The following VSTM2L variants were observed in gnomAD, a reference collection of about 807,000 sequenced individuals.
VSTM2L encodes V-set and transmembrane domain-containing protein 2-like protein.
VSTM2L carries 9 observed loss-of-function variants against 19.9 expected under a neutral mutation model. That is an observed-to-expected ratio of 0.45 (90% confidence interval 0.27 to 0.79). VSTM2L has a LOEUF of 0.79. Among genes scored for constraint, VSTM2L ranks in the 30% least tolerant of loss-of-function variants. The pLI, the probability that VSTM2L is intolerant of heterozygous loss-of-function variation, is 0.15. For missense variants in VSTM2L, 286 were observed against 295.5 expected, an observed-to-expected ratio of 0.97 and a Z score of 0.24; for synonymous variants, 127 against 133.8, an observed-to-expected ratio of 0.95 and a Z score of 0.35.
chr20:37,904,047 C>T (rs138318362), intron 1 of VSTM2L, among the ~76,000 whole-genome samples: 1 of 152,232 alleles, frequency 6.6e-6, no homozygotes, highest in Non-Finnish European at 1.5e-5. Context: ...TGGGTTTAAC[C>T]GCACAGAGGC....
intron 1 of VSTM2L, among the ~76,000 whole-genome samples, chr20:37,914,369 T>G (rs1568835237): frequency 2.2e-3 from 331 of 150,756 alleles, no homozygotes; most frequent in East Asian, 4.9e-3. Flanking sequence ...TGTTTATATA[T>G]GTGTGTGGGT....
Position 37,944,327 on chromosome 20 carries a change from AC to A in VSTM2L, c.*76del, listed in dbSNP as rs1413639930. 4.5e-6 allele frequency: 6 copies of A among 1,334,982 alleles called. No homozygotes were observed. Among genetic ancestry groups the A allele is most frequent in the Non-Finnish European group, 5.8e-6 (6 of 1,029,358 alleles). The allele number at this position is 1,334,982 out of a possible 1,614,324, so 82.7% of individuals were successfully genotyped here. On this transcript the variant is annotated 3_prime_UTR_variant, in exon 4 of 4. Transcript: ENST00000373461. ...ATGAGGAGCCGCCGGACCACCGGGG[AC>A]CGACTGCCTGCGTCCAGCCGCGCCC...
intron 1 of VSTM2L, among the ~76,000 whole-genome samples, chr20:37,915,827 C>A (rs982824204): frequency 2.0e-5 from 3 of 152,162 alleles, no homozygotes; most frequent in African/African-American, 7.2e-5. Flanking sequence ...ACCCTACCCA[C>A]TGGGCACCCT....
chr20:37,932,182 G>A (rs753590237), intron 2 of VSTM2L, among the ~76,000 whole-genome samples: 23 of 152,290 alleles, frequency 1.5e-4, no homozygotes, highest in Non-Finnish European at 2.2e-4. Flanking sequence ...CGGGCCACAC[G>A]GGCAGCCTTT....
chr20:37,934,491 G>T (rs954174910), intron 3 of VSTM2L, among the ~76,000 whole-genome samples: 5 of 152,216 alleles, frequency 3.3e-5, no homozygotes, highest in Non-Finnish European at 7.3e-5. Context: ...GAAAAGGCAG[G>T]TGCCCGTGGG....
At chr20:37,943,269 G>T (rs1236123000) in intron 3 of VSTM2L, among the ~76,000 whole-genome samples, 1 of 151,040 alleles carries the variant, frequency 6.6e-6, no homozygotes, top group African/African-American at 2.4e-5. Flanking sequence ...ATGAGCCACC[G>T]CACTTGGCCT....
intron 1 of VSTM2L, among the ~76,000 whole-genome samples, chr20:37,931,402 C>T (rs2072907954): frequency 6.6e-6 from 1 of 152,166 alleles, no homozygotes; most frequent in African/African-American, 2.4e-5. Context: ...ACACCTACTC[C>T]CTCATCGCCA....
At chr20:37,905,368 G>T (rs527491921) in intron 1 of VSTM2L, among the ~76,000 whole-genome samples, 1 of 152,226 alleles carries the variant, frequency 6.6e-6, no homozygotes, top group East Asian at 1.9e-4. Context: ...TTATTCCCAA[G>T]GCCCCAAGGT....
Position 37,944,780 on chromosome 20 carries a change from T to C in VSTM2L, c.*527T>C. 1 of 986,274 alleles carries C rather than the reference T, an allele frequency of 1.0e-6. No individual in the cohort carries two copies. The highest frequency in any genetic ancestry group is 1.2e-6 in the Non-Finnish European group (1 of 830,356). The allele number at this position is 986,274 out of a possible 1,614,324, so 61.1% of individuals were successfully genotyped here. A position where few individuals can be genotyped will look rare whatever the true frequency, so the allele number is the denominator to read the frequency against. ...ACCCAGGAGGGCCCTTCTGGGGCAGTGGCTCTGCAGGGTCACTCATGGAGG... is the reference window on the plus strand; with the variant it reads ...ACCCAGGAGGGCCCTTCTGGGGCAGCGGCTCTGCAGGGTCACTCATGGAGG... On this transcript the variant is annotated 3_prime_UTR_variant, in exon 4 of 4. Transcript: ENST00000373461.
intron 1 of VSTM2L, among the ~76,000 whole-genome samples, chr20:37,916,253 G>A (rs182422600): frequency 2.3e-4 from 35 of 152,302 alleles, no homozygotes; most frequent in Admixed American, 1.6e-3. Flanking sequence ...AAATGGTATC[G>A]GTAGAGACGT....
At chr20:37,920,443 C>T (rs1177422001) in intron 1 of VSTM2L, among the ~76,000 whole-genome samples, 1 of 152,264 alleles carries the variant, frequency 6.6e-6, no homozygotes, top group Non-Finnish European at 1.5e-5. Flanking sequence ...CAGCCACCCA[C>T]TCCTGGCACT....
chr20:37,927,024 GAC>G (rs1394674229), intron 1 of VSTM2L, among the ~76,000 whole-genome samples: 8 of 152,254 alleles, frequency 5.3e-5, no homozygotes, highest in African/African-American at 1.7e-4. Context: ...GGAGTGCAGT[GAC>G]ACAATCTCGG....
chr20:37,911,468 C>A (rs375396654), intron 1 of VSTM2L, among the ~76,000 whole-genome samples: 2 of 152,144 alleles, frequency 1.3e-5, no homozygotes, highest in East Asian at 1.9e-4. Context: ...ACACAGCGGG[C>A]GGCTAATAAA....
At chr20:37,923,840 G>A (rs1161127536) in intron 1 of VSTM2L, among the ~76,000 whole-genome samples, 1 of 152,194 alleles carries the variant, frequency 6.6e-6, no homozygotes, top group Non-Finnish European at 1.5e-5. Context: ...CCTTGGGCAA[G>A]TCACTGACCC....
chr20:37,920,741 C>G (rs1008429389), intron 1 of VSTM2L, among the ~76,000 whole-genome samples: 3 of 152,194 alleles, frequency 2.0e-5, no homozygotes, highest in African/African-American at 7.2e-5. Context: ...TGGGCACAGT[C>G]CCCCCAGGAA....
At position 37,903,441 on chromosome 20, in the gene VSTM2L, G is replaced by A; in HGVS notation, c.91G>A (p.Ala31Thr). 1.3e-6 allele frequency: 2 copies of A among 1,486,524 alleles called. No homozygotes were observed. Among genetic ancestry groups the A allele is most frequent in the Middle Eastern group, 1.7e-4 (1 of 5,838 alleles). The allele number at this position is 1,486,524 out of a possible 1,614,324, so 92.1% of individuals were successfully genotyped here. ...LGGATRPAGH[A>T]PWDNHVSGHA... Reference sequence around the variant, plus strand: ...CGGCGCCACGCGGCCCGCCGGCCACGCGCCCTGGGACAACCACGTCTCCGG... The same window carrying A: ...CGGCGCCACGCGGCCCGCCGGCCACACGCCCTGGGACAACCACGTCTCCGG... Residue 31 changes from alanine to threonine, a missense_variant, in exon 1 of 4, where the codon GCG becomes ACG. Physicochemically the swap from Ala to Thr is moderately conservative, Grantham distance 58. Transcript: ENST00000373461.
chr20:37,937,778 T>G (rs1291823311), intron 3 of VSTM2L, among the ~76,000 whole-genome samples: 1 of 152,124 alleles, frequency 6.6e-6, no homozygotes, highest in Non-Finnish European at 1.5e-5. Context: ...AAAATACAAT[T>G]ACAACTGTGA....
intron 1 of VSTM2L, among the ~76,000 whole-genome samples, chr20:37,914,128 C>A (rs965038999): frequency 6.6e-6 from 1 of 150,874 alleles, no homozygotes; most frequent in African/African-American, 2.4e-5. Context: ...TGTGTGTGTG[C>A]GCGCACGAAT....
intron 1 of VSTM2L, among the ~76,000 whole-genome samples, chr20:37,928,927 T>A (rs1313625272): frequency 6.6e-6 from 1 of 152,218 alleles, no homozygotes; most frequent in Non-Finnish European, 1.5e-5. Flanking sequence ...GAATTAAAAT[T>A]AAATAAAATT....
Sources: gnomAD v4.1 joint callset for allele counts (sites outside exome capture counted in the v4.1 genomes callset) on GRCh38, gnomAD v4.1.1 for gene constraint, MANE v1.5 for transcripts, NCBI Gene and HGNC (gene_info 2026-07-23, HGNC 2026-07-21) for gene names.